The following FGF13 variants were observed in gnomAD, a reference collection of about 807,000 sequenced individuals.
The protein encoded by FGF13 is fibroblast growth factor homologous factor 2.
FGF13 carries 2 observed loss-of-function variants against 19.5 expected under a neutral mutation model. The observed-to-expected ratio is 0.10, with a 90% CI of 0.04 to 0.32. The LOEUF (loss-of-function observed/expected upper bound fraction) is 0.32. Ranked by LOEUF, FGF13 falls within the 10% of genes least tolerant of loss-of-function variation. FGF13 has a pLI of 1.00. For synonymous variants in FGF13, 72 were observed against 76.9 expected (o/e 0.94, Z 0.33); for missense variants, 113 against 192.7 (o/e 0.59, Z 2.45).
At chrX:139,086,296 C>T (rs1222271951) in intron 1 of FGF13, among the ~76,000 whole-genome samples, 1 of 111,073 alleles carries the variant, frequency 9.0e-6, no homozygotes, top group Non-Finnish European at 1.9e-5. Flanking sequence ...CTACTGCCCC[C>T]CAAACATACT....
At chrX:139,199,014 C>T (rs1377008567) in intron 1 of FGF13, among the ~76,000 whole-genome samples, 2 of 112,286 alleles carry the variant, frequency 1.8e-5, no homozygotes, top group Non-Finnish European at 3.8e-5. Flanking sequence ...AAATAGATAA[C>T]CTACATTTCA....
rs750565735 is a variant in FGF13, at chrX:139,073,266, AT to A, written c.-113+130149del. On this transcript the variant is annotated intron_variant, in intron 1 of 2. Coordinates refer to the FGF13 transcript ENST00000421460. The stretch of plus-strand genomic sequence containing the variant: ...GGCTTCCCAGTACAGTGCAAAGAGC[AT>A]ATCTTTTGAAATCAGATAGAGCAGG... Among the ~76,000 whole-genome samples, 119 of 110,044 alleles carry A rather than the reference AT, an allele frequency of 1.1e-3. 1 individual carries two copies. The highest frequency in any genetic ancestry group is 3.8e-3 in the African/African-American group (116 of 30,329).
At chrX:138,692,260 T>C (rs2089845458) in intron 3 of FGF13, among the ~76,000 whole-genome samples, 1 of 111,565 alleles carries the variant, frequency 9.0e-6, no homozygotes, top group Non-Finnish European at 1.9e-5. Context: ...ATACTTTTGC[T>C]AGGCTGCTCT....
chrX:138,949,104 T>C (rs2091797073), intron 1 of FGF13, among the ~76,000 whole-genome samples: 3 of 111,691 alleles, frequency 2.7e-5, no homozygotes, highest in Admixed American at 1.9e-4. Context: ...ACAGCATTGC[T>C]ACAGAGGTGA....
chrX:138,635,711 A>G, intron 3 of FGF13, 56 bp from the exon 4 acceptor site: 1 of 977,358 alleles, frequency 1.0e-6, no homozygotes, highest in Non-Finnish European at 1.4e-6. Context: ...AATTTCCTGT[A>G]GAATCATGTG....
At chrX:138,843,535 A>G (rs2091162950) in intron 3 of FGF13, among the ~76,000 whole-genome samples, 1 of 111,899 alleles carries the variant, frequency 8.9e-6, no homozygotes, top group Non-Finnish European at 1.9e-5. Context: ...ATTTCAATAG[A>G]TGTTTTGGGA....
At chrX:139,123,362 C>A (rs1242783384) in intron 1 of FGF13, among the ~76,000 whole-genome samples, 1 of 111,866 alleles carries the variant, frequency 8.9e-6, no homozygotes, top group African/African-American at 3.2e-5. Flanking sequence ...ATCTCTTAAA[C>A]CTTGTCTCCT....
At chrX:138,781,545 G>A (rs759269873) in intron 3 of FGF13, among the ~76,000 whole-genome samples, 1,109 of 109,835 alleles carry the variant, frequency 0.01, 7 homozygotes, top group Non-Finnish European at 0.014. Flanking sequence ...ACACCTCTAC[G>A]CAAATAAACT....
At position 138,778,517 on chromosome X, in the gene FGF13, T is replaced by G. The variant is rs766520364; in HGVS notation, c.218-69589A>C. On this transcript the variant is annotated intron_variant, in intron 3 of 6. Transcript: ENST00000436198. ...TGCCTCCCTCAGGAAGCTCAAGGGG[T>G]CAGGGAGTTCCCTTTCCTAGTCAAA... 7.9e-4 allele frequency among the ~76,000 whole-genome samples: 88 copies of G among 111,134 alleles called. 2 individuals are homozygous for G. The highest frequency in any genetic ancestry group is 1.2e-3 in the South Asian group (3 of 2,595).
intron 1 of FGF13, among the ~76,000 whole-genome samples, chrX:138,868,206 C>G (rs2091339367): frequency 9.0e-6 from 1 of 111,516 alleles, no homozygotes; most frequent in Non-Finnish European, 1.9e-5. Context: ...ATCTAGGCAG[C>G]CTTTAAAGAT....
At chrX:138,972,713 AGAT>A (rs2124320251) in intron 1 of FGF13, among the ~76,000 whole-genome samples, 1 of 111,087 alleles carries the variant, frequency 9.0e-6, no homozygotes, top group African/African-American at 3.3e-5. Flanking sequence ...AATGGGCGTG[AGAT>A]GATATTTCAT....
intron 3 of FGF13, among the ~76,000 whole-genome samples, chrX:138,822,123 T>A (rs1569404200): frequency 8.9e-6 from 1 of 112,091 alleles, no homozygotes; most frequent in Non-Finnish European, 1.9e-5. Flanking sequence ...TATGCTTGGT[T>A]AGAATCAATC....
At chrX:138,828,670 A>G (rs2091051350) in intron 3 of FGF13, among the ~76,000 whole-genome samples, 1 of 112,111 alleles carries the variant, frequency 8.9e-6, no homozygotes, top group East Asian at 2.8e-4. Context: ...TAGTAAGGCT[A>G]ACATGCCCTT....
At chrX:138,967,141 T>G (rs1418021909) in intron 1 of FGF13, among the ~76,000 whole-genome samples, 3 of 108,472 alleles carry the variant, frequency 2.8e-5, no homozygotes, top group Admixed American at 9.9e-5. Context: ...AATTGCTCCC[T>G]GCCCCCCAAA....
chrX:139,074,472 G>T (rs1252970918), intron 1 of FGF13, among the ~76,000 whole-genome samples: 1 of 111,725 alleles, frequency 9.0e-6, no homozygotes, highest in Non-Finnish European at 1.9e-5. Flanking sequence ...ACTTGTTCAA[G>T]GTCACACAAT....
At chrX:138,958,643 TC>T (rs770600709) in intron 1 of FGF13, among the ~76,000 whole-genome samples, 33 of 112,006 alleles carry the variant, frequency 2.9e-4, no homozygotes, top group African/African-American at 1.1e-3. Flanking sequence ...TGTGAATCCG[TC>T]TGGTCCTGGA....
At chrX:138,701,822 G>A (rs1214447330) in intron 3 of FGF13, among the ~76,000 whole-genome samples, 1 of 111,874 alleles carries the variant, frequency 8.9e-6, no homozygotes, top group Admixed American at 9.5e-5. Flanking sequence ...AAGCAAGAGT[G>A]GTTAAAGGTA....
intron 1 of FGF13, among the ~76,000 whole-genome samples, chrX:139,013,512 TATATATATATATATATATAA>T (rs1473515300): frequency 6.6e-4 from 12 of 18,235 alleles, no homozygotes; most frequent in Admixed American, 1.5e-3. Flanking sequence ...TATATATATA[TATATATATATATATATATAA>T]AATGAAATAC....
chrX:138,787,448 A>G (rs180946767), intron 3 of FGF13, among the ~76,000 whole-genome samples: 398 of 112,492 alleles, frequency 3.5e-3, no homozygotes, highest in African/African-American at 0.011. Flanking sequence ...TTCTGGTGAG[A>G]GTAGTCTTCT....
Sources: allele counts gnomAD v4.1 joint callset (sites outside exome capture counted in the v4.1 genomes callset), GRCh38; gene constraint gnomAD v4.1.1; transcripts MANE v1.5; gene names NCBI Gene and HGNC (gene_info 2026-07-23, HGNC 2026-07-21).